Variants in NDUFS4 observed in about 807,000 individuals in gnomAD.
NDUFS4 encodes NADH:ubiquinone oxidoreductase subunit S4.
A neutral mutation model predicts 24.3 loss-of-function variants in NDUFS4; 28 were observed. The observed-to-expected ratio is 1.15, with a 90% CI of 0.85 to 1.58. NDUFS4 has a LOEUF of 1.58. Among genes scored for constraint, NDUFS4 ranks in the 40% most tolerant of loss-of-function variants. The pLI, the probability that NDUFS4 is intolerant of heterozygous loss-of-function variation, is 0.00. For missense variants in NDUFS4, 223 were observed against 207.9 expected (o/e 1.07, Z -0.45); for synonymous variants, 93 against 69.7 (o/e 1.34, Z -1.67).
At position 53,619,432 on chromosome 5, in the gene NDUFS4, A is replaced by C. The variant is rs1750959534; in HGVS notation, c.177+15902A>C. ...AACCCAGAAGGCGGAGGTTGCAGTGAGCCAAGATGGCGCCACTGCACTCCA... is the reference window on the plus strand; with the variant it reads ...AACCCAGAAGGCGGAGGTTGCAGTGCGCCAAGATGGCGCCACTGCACTCCA... On this transcript the variant is annotated intron_variant, in intron 2 of 4. Coordinates refer to ENST00000296684, the MANE Select transcript of NDUFS4 (RefSeq NM_002495.4). Among the ~76,000 whole-genome samples the C allele has an allele frequency of 2.8e-5, 4 of 140,564 alleles. No individual in the cohort carries two copies. In the Admixed American group the frequency reaches 3.0e-4, roughly 11 times the overall value. The allele number at this position is 140,564 out of a possible 152,430, so 92.2% of individuals were successfully genotyped here.
chr5:53,633,027 C>A (rs1395537305), intron 2 of NDUFS4, among the ~76,000 whole-genome samples: 4 of 152,140 alleles, frequency 2.6e-5, no homozygotes, highest in African/African-American at 9.7e-5. Context: ...TAGTATATTG[C>A]CAGACTTCAG....
At chr5:53,644,303 C>T (rs1579912312) in intron 2 of NDUFS4, among the ~76,000 whole-genome samples, 2 of 152,220 alleles carry the variant, frequency 1.3e-5, no homozygotes, top group African/African-American at 4.8e-5. Context: ...GAGCTCAGCT[C>T]AGAACAGAGG....
At chr5:53,588,428 T>G (rs936133034) in intron 1 of NDUFS4, among the ~76,000 whole-genome samples, 8 of 152,190 alleles carry the variant, frequency 5.3e-5, no homozygotes, top group Non-Finnish European at 1.2e-4. Flanking sequence ...TTTGCGGTAT[T>G]ATTATCCTTA....
At position 53,578,949 on chromosome 5, in the gene NDUFS4, T is replaced by G. The variant is rs950550438; in HGVS notation, c.98+18189T>G. Among the ~76,000 whole-genome samples, 6 of 152,216 alleles carry G rather than the reference T, an allele frequency of 3.9e-5. 1 individual carries two copies. Among genetic ancestry groups the G allele is most frequent in the Admixed American group, 1.3e-4 (2 of 15,276 alleles). ...ATAGAATTTTGTGCACCTGGCTTTT[T>G]CCAAATTGTGACCTCCCGTGCACTC... is the stretch of plus-strand genomic sequence containing the variant. On this transcript the variant is annotated intron_variant, in intron 1 of 4. Transcript: ENST00000296684.
At chr5:53,595,591 A>G (rs1750110679) in intron 1 of NDUFS4, among the ~76,000 whole-genome samples, 2 of 152,314 alleles carry the variant, frequency 1.3e-5, no homozygotes, top group South Asian at 4.1e-4. Flanking sequence ...CTATAAATGT[A>G]GATACATTTC....
At chr5:53,639,509 C>T (rs982834459) in intron 2 of NDUFS4, among the ~76,000 whole-genome samples, 5 of 151,810 alleles carry the variant, frequency 3.3e-5, no homozygotes, top group African/African-American at 9.7e-5. Context: ...TTAAGTATAA[C>T]TTTAAGGTTG....
chr5:53,583,038 T>C (rs926077584), intron 1 of NDUFS4, among the ~76,000 whole-genome samples: 2 of 152,170 alleles, frequency 1.3e-5, no homozygotes, highest in East Asian at 3.9e-4. Flanking sequence ...CCACCACGCC[T>C]GGCTAATTTT....
intron 1 of NDUFS4, 60 bp downstream of exon 1, chr5:53,560,820 T>C (rs889580332): frequency 6.2e-6 from 10 of 1,610,738 alleles, no homozygotes; most frequent in Non-Finnish European, 7.6e-6. Context: ...TTGCGGAGTC[T>C]CTGCTGGCTG....
At chr5:53,589,659 G>A (rs894539008) in intron 1 of NDUFS4, among the ~76,000 whole-genome samples, 18 of 152,122 alleles carry the variant, frequency 1.2e-4, no homozygotes, top group African/African-American at 4.1e-4. Context: ...ATTGATCCTG[G>A]GTGTGTCTGT....
chr5:53,649,801 G>A (rs1003797423), intron 3 of NDUFS4, among the ~76,000 whole-genome samples: 3 of 152,102 alleles, frequency 2.0e-5, no homozygotes, highest in Non-Finnish European at 2.9e-5. Flanking sequence ...CACCATTAGG[G>A]TATAAGCATT....
chr5:53,578,944 C>T (rs1470486950), intron 1 of NDUFS4, among the ~76,000 whole-genome samples: 1 of 152,118 alleles, frequency 6.6e-6, no homozygotes, highest in Non-Finnish European at 1.5e-5. Flanking sequence ...GTGCACCTGG[C>T]TTTTTCCAAA....
rs796207041 is a variant in NDUFS4 at position 53,580,703 on chromosome 5, CTTTCCTTTCCT to C, written c.98+19952_98+19962del. On this transcript the variant is annotated intron_variant, in intron 1 of 4. Transcript: ENST00000296684. ...TCTCTTTCGTCCTTCCTTTCCTTTC[CTTTCCTTTCCT>C]TTTCCTTTTCCTTTTCCCTTTCCTT... Among the ~76,000 whole-genome samples the C allele has an allele frequency of 9.0e-3, 1,242 of 138,696 alleles. 16 individuals carry two copies. Among genetic ancestry groups the C allele is most frequent in the African/African-American group, 0.031 (1,140 of 36,514 alleles). 91.0% of individuals were successfully genotyped at this position (138,696 alleles called of 152,430 possible).
At chr5:53,652,081 T>C (rs1752036349) in intron 3 of NDUFS4, among the ~76,000 whole-genome samples, 1 of 152,166 alleles carries the variant, frequency 6.6e-6, no homozygotes, top group Admixed American at 6.5e-5. Context: ...CCAACTTTAT[T>C]CATTTCTTCT....
intron 2 of NDUFS4, among the ~76,000 whole-genome samples, chr5:53,627,941 G>A (rs1231041803): frequency 6.6e-6 from 1 of 152,130 alleles, no homozygotes; most frequent in Non-Finnish European, 1.5e-5. Context: ...GGTGAGAGAG[G>A]GCATCCTTGT....
chr5:53,636,123 G>A (rs1386770586), intron 2 of NDUFS4, among the ~76,000 whole-genome samples: 1 of 152,134 alleles, frequency 6.6e-6, no homozygotes, highest in African/African-American at 2.4e-5. Context: ...GTTTCAAGCA[G>A]TCCTCCCACT....
intron 2 of NDUFS4, among the ~76,000 whole-genome samples, chr5:53,624,858 T>C (rs1185994431): frequency 6.6e-6 from 1 of 152,206 alleles, no homozygotes; most frequent in African/African-American, 2.4e-5. Flanking sequence ...AGTACTACAT[T>C]GAATAGAATT....
At chr5:53,572,623 A>T (rs1749246794) in intron 1 of NDUFS4, among the ~76,000 whole-genome samples, 2 of 148,374 alleles carry the variant, frequency 1.3e-5, no homozygotes, top group South Asian at 2.1e-4. Context: ...GGCTGTGAAG[A>T]TTTTTTTCTG....
chr5:53,632,304 C>T (rs1274570704), intron 2 of NDUFS4, among the ~76,000 whole-genome samples: 1 of 152,154 alleles, frequency 6.6e-6, no homozygotes, highest in Non-Finnish European at 1.5e-5. Context: ...TCAGCTTAAT[C>T]CTTTTAGTGA....
intron 1 of NDUFS4, among the ~76,000 whole-genome samples, chr5:53,571,261 T>C (rs576808965): frequency 2.6e-5 from 4 of 152,310 alleles, no homozygotes; most frequent in Admixed American, 2.6e-4. Flanking sequence ...ATTTGCCTAT[T>C]CTGGACATTT....
Sources: allele counts gnomAD v4.1 joint callset (sites outside exome capture counted in the v4.1 genomes callset), GRCh38; gene constraint gnomAD v4.1.1; transcripts MANE v1.5; gene names NCBI Gene and HGNC (gene_info 2026-07-23, HGNC 2026-07-21).